The following EDA variants were observed in gnomAD, a reference collection of about 807,000 sequenced individuals.
The protein encoded by EDA is ectodysplasin A.
Under a neutral mutation model 23.6 loss-of-function variants are expected in EDA, and 2 were observed. That is an observed-to-expected ratio of 0.08 (90% CI 0.03 to 0.27). The LOEUF (loss-of-function observed/expected upper bound fraction) is 0.27, where lower values mean the gene tolerates loss of function less well. Ranked by LOEUF, EDA falls within the 10% of genes least tolerant of loss-of-function variation. The pLI is 1.00. For missense variants in EDA, 229 were observed against 324.2 expected (o/e 0.71, Z 2.26); for synonymous variants, 131 against 132.0 (o/e 0.99, Z 0.05).
intron 2 of EDA, among the ~76,000 whole-genome samples, chrX:69,989,381 C>T (rs1222598802): frequency 8.1e-5 from 9 of 111,769 alleles, no homozygotes; most frequent in African/African-American, 2.3e-4. Context: ...GGAAGCTGAA[C>T]ATACTTGGCC....
intron 1 of EDA, among the ~76,000 whole-genome samples, chrX:69,748,917 A>C (rs911503329): frequency 1.1e-4 from 12 of 111,819 alleles, no homozygotes; most frequent in Non-Finnish European, 1.9e-4. Flanking sequence ...AAGAAATGTA[A>C]GACTAGCCCA....
chrX:69,888,198 G>A (rs1013459364), intron 1 of EDA, among the ~76,000 whole-genome samples: 1 of 111,240 alleles, frequency 9.0e-6, no homozygotes, highest in Non-Finnish European at 1.9e-5. Flanking sequence ...AAATGTTGGG[G>A]TAGACAAAAG....
intron 1 of EDA, chrX:69,860,780 T>A (rs1374068427): frequency 3.9e-6 from 2 of 511,909 alleles, no homozygotes; most frequent in Non-Finnish European, 7.0e-6. Context: ...CTTCTCTAGT[T>A]AGGTTGGGGA....
At chrX:69,715,410 A>C (rs2012287651) in intron 1 of EDA, among the ~76,000 whole-genome samples, 1 of 111,577 alleles carries the variant, frequency 9.0e-6, no homozygotes, top group South Asian at 3.8e-4. Flanking sequence ...GTTCCTACAA[A>C]GGACATGATT....
At chrX:69,947,635 T>G (rs2147404269) in intron 1 of EDA, among the ~76,000 whole-genome samples, 1 of 112,319 alleles carries the variant, frequency 8.9e-6, no homozygotes, top group African/African-American at 3.2e-5. Flanking sequence ...AACAGTGATT[T>G]AATGCTGATA....
At position 70,035,943 on chromosome X, in the gene EDA, G is replaced by T. The variant is rs2020262088; in HGVS notation, c.*334G>T. ...TTTGTTGCACTAAAATGAGGATCCAGGGCAGCAGGCCAGAGAAAGCAAAGG... is the reference window on the plus strand; with the variant it reads ...TTTGTTGCACTAAAATGAGGATCCATGGCAGCAGGCCAGAGAAAGCAAAGG... On this transcript the variant is annotated 3_prime_UTR_variant, in exon 8 of 8. Transcript: ENST00000374552. 2 of 293,675 alleles carry T rather than the reference G, an allele frequency of 6.8e-6. No homozygotes were observed. Among genetic ancestry groups the T allele is most frequent in the Admixed American group, 5.8e-5 (1 of 17,339 alleles). 24.2% of individuals were successfully genotyped at this position (293,675 alleles called of 1,213,427 possible).
At chrX:69,711,692 A>G (rs1365648010) in intron 1 of EDA, among the ~76,000 whole-genome samples, 17 of 111,303 alleles carry the variant, frequency 1.5e-4, no homozygotes, top group Non-Finnish European at 2.3e-4. Flanking sequence ...GTCTATTCAG[A>G]GATTCAACTT....
chrX:69,826,795 C>T (rs1442439145), intron 1 of EDA, among the ~76,000 whole-genome samples: 1 of 110,416 alleles, frequency 9.1e-6, no homozygotes, highest in Non-Finnish European at 1.9e-5. Context: ...TTCCTAGTCT[C>T]GATGGTCTTT....
chrX:70,026,105 C>G (rs989488638), intron 3 of EDA, among the ~76,000 whole-genome samples: 3 of 112,021 alleles, frequency 2.7e-5, no homozygotes, highest in Non-Finnish European at 3.8e-5. Context: ...TTTAGTGAGA[C>G]TAGAGAAGGT....
chrX:69,744,617 C>T (rs1432708597), intron 1 of EDA, among the ~76,000 whole-genome samples: 2 of 112,122 alleles, frequency 1.8e-5, no homozygotes, highest in African/African-American at 6.5e-5. Context: ...TAAAGTAGTA[C>T]TATGGGCTTA....
intron 1 of EDA, among the ~76,000 whole-genome samples, chrX:69,797,807 C>G (rs1188436176): frequency 9.0e-6 from 1 of 111,587 alleles, no homozygotes. Context: ...GAAACAAACC[C>G]TCACATACTA....
intron 1 of EDA, among the ~76,000 whole-genome samples, chrX:69,659,961 G>A (rs1277472104): frequency 9.0e-6 from 1 of 111,389 alleles, no homozygotes; most frequent in Non-Finnish European, 1.9e-5. Flanking sequence ...AGAATCCTAG[G>A]CATGGATGTG....
In EDA at chrX:69,960,369, G is replaced by T. The variant is rs896144983; in HGVS notation, c.502+3237G>T. ...GTGACCCCAGGGTTTTGGACTTCAG[G>T]AACTAAACAGGTAGAATTGCCATTT... is the stretch of plus-strand genomic sequence containing the variant. On this transcript the variant is annotated intron_variant, in intron 2 of 7. Coordinates refer to ENST00000374552, the MANE Select transcript of EDA (RefSeq NM_001399.5). Among the ~76,000 whole-genome samples, 5 of 111,336 alleles carry T rather than the reference G, an allele frequency of 4.5e-5. No homozygotes were observed. In the South Asian group the frequency reaches 1.9e-3, roughly 43 times the overall value.
At chrX:69,830,812 G>T (rs997748494) in intron 1 of EDA, among the ~76,000 whole-genome samples, 1 of 111,666 alleles carries the variant, frequency 9.0e-6, no homozygotes, top group Non-Finnish European at 1.9e-5. Flanking sequence ...CTGAGACCTT[G>T]AATGCTTAAG....
intron 1 of EDA, among the ~76,000 whole-genome samples, chrX:69,775,632 C>G (rs756600742): frequency 4.5e-5 from 5 of 111,692 alleles, no homozygotes; most frequent in Non-Finnish European, 9.4e-5. Flanking sequence ...ACCCTATAAT[C>G]TCTGTAAATA....
chrX:69,863,847 C>T (rs1015815759), intron 1 of EDA, among the ~76,000 whole-genome samples: 1 of 109,250 alleles, frequency 9.2e-6, no homozygotes, highest in Non-Finnish European at 1.9e-5. Flanking sequence ...TGAAATGGAA[C>T]CAAGCACTAA....
intron 1 of EDA, among the ~76,000 whole-genome samples, chrX:69,724,419 C>A (rs2012712129): frequency 9.0e-6 from 1 of 111,419 alleles, no homozygotes; most frequent in Non-Finnish European, 1.9e-5. Flanking sequence ...CATATTCTGG[C>A]TTCCCTTTGT....
intron 1 of EDA, among the ~76,000 whole-genome samples, chrX:69,891,773 T>C (rs2017935422): frequency 9.3e-6 from 1 of 107,758 alleles, no homozygotes; most frequent in Non-Finnish European, 1.9e-5. Context: ...GGGTGGGGAG[T>C]GGGAGGAGAG....
intron 1 of EDA, among the ~76,000 whole-genome samples, chrX:69,871,848 C>CT (rs2017571079): frequency 8.9e-6 from 1 of 112,053 alleles, no homozygotes; most frequent in Admixed American, 9.5e-5. Context: ...AGGAAAACTT[C>CT]CCTGGCCTTG....
Sources: allele counts gnomAD v4.1 joint callset (sites outside exome capture counted in the v4.1 genomes callset), GRCh38; gene constraint gnomAD v4.1.1; transcripts MANE v1.5; gene names NCBI Gene and HGNC (gene_info 2026-07-23, HGNC 2026-07-21).